PTPRD: variants seen among roughly 807,000 people sequenced by gnomAD.
PTPRD encodes the protein protein tyrosine phosphatase receptor type D.
PTPRD carries 34 observed loss-of-function variants against 214.5 expected under a neutral mutation model. The observed-to-expected ratio is 0.16, with a 90% CI of 0.12 to 0.21. The LOEUF is 0.21. Ranked by LOEUF, PTPRD falls within the 10% of genes least tolerant of loss-of-function variation. The pLI is 1.00. For missense variants in PTPRD, 2,545 were observed against 2,398.7 expected (o/e 1.06, Z -1.27); for synonymous variants, 1,128 against 845.7 (o/e 1.33, Z -5.79).
chr9:9,163,172 C>T (rs1450432957), intron 10 of PTPRD, among the ~76,000 whole-genome samples: 1 of 152,090 alleles, frequency 6.6e-6, no homozygotes, highest in Non-Finnish European at 1.5e-5. Context: ...TGTCCACTCC[C>T]AAAGCTTCAA....
At chr9:9,876,585 T>C (rs975470036) in intron 5 of PTPRD, among the ~76,000 whole-genome samples, 1 of 152,208 alleles carries the variant, frequency 6.6e-6, no homozygotes, top group African/African-American at 2.4e-5. Flanking sequence ...ATGAGATCAT[T>C]ACATTTCTTA....
chr9:10,128,142 C>G (rs2098833336), intron 3 of PTPRD, among the ~76,000 whole-genome samples: 2 of 152,092 alleles, frequency 1.3e-5, no homozygotes, highest in Admixed American at 6.6e-5. Context: ...TGTATCACTT[C>G]CCTTCCACAT....
At position 8,618,939 on chromosome 9, in the gene PTPRD, T is replaced by A. The variant is rs13295263; in HGVS notation, c.352+14378A>T. Among the ~76,000 whole-genome samples, 24 of 61,898 alleles carry A rather than the reference T, an allele frequency of 3.9e-4. No individual in the cohort carries two copies. The East Asian group carries it at 8.0e-3, about 21-fold the overall frequency. 40.6% of individuals were successfully genotyped at this position (61,898 alleles called of 152,430 possible). On this transcript the variant is annotated intron_variant, in intron 14 of 45. Transcript: ENST00000381196. ...GTTTTTTTTTTTTTTTTTTTTTTTT[T>A]ACCGGAAACAGGGTTTCACCATGTT...
chr9:9,323,334 A>C (rs770172427), intron 9 of PTPRD, among the ~76,000 whole-genome samples: 2 of 152,142 alleles, frequency 1.3e-5, no homozygotes, highest in Non-Finnish European at 2.9e-5. Flanking sequence ...AATCTTTTTT[A>C]CTTATCATCT....
chr9:8,440,233 T>G (rs971045489), intron 34 of PTPRD, among the ~76,000 whole-genome samples: 1 of 152,070 alleles, frequency 6.6e-6, no homozygotes, highest in African/African-American at 2.4e-5. Flanking sequence ...AGCAAAGAAC[T>G]TGAAGCACAG....
At chr9:9,102,299 C>T (rs953203290) in intron 10 of PTPRD, among the ~76,000 whole-genome samples, 1 of 152,176 alleles carries the variant, frequency 6.6e-6, no homozygotes, top group African/African-American at 2.4e-5. Context: ...TATGATGTGT[C>T]TATTCTCTTT....
chr9:8,577,459 T>A (rs569230506), intron 14 of PTPRD, among the ~76,000 whole-genome samples: 1 of 152,112 alleles, frequency 6.6e-6, no homozygotes, highest in Non-Finnish European at 1.5e-5. Flanking sequence ...TTCTCCATGT[T>A]GGTCAGGCTG....
At chr9:9,406,395 G>A (rs1481397184) in intron 8 of PTPRD, among the ~76,000 whole-genome samples, 1 of 151,876 alleles carries the variant, frequency 6.6e-6, no homozygotes, top group African/African-American at 2.4e-5. Flanking sequence ...AATTAAGAAA[G>A]TAAGAGATAG....
Position 8,688,580 on chromosome 9 carries a change from G to C in PTPRD, c.64+45200C>G, listed in dbSNP as rs1356142074. On this transcript the variant is annotated intron_variant, in intron 12 of 45. Coordinates refer to ENST00000381196, the MANE Select transcript of PTPRD (RefSeq NM_002839.4). The stretch of plus-strand genomic sequence containing the variant: ...ACTCTGTCTCAAAAAAAAAAAAAAA[G>C]AAAAAAATATATATAAGATGGTATC... 3.5e-5 allele frequency among the ~76,000 whole-genome samples: 5 copies of C among 144,068 alleles called. No homozygotes were observed. The East Asian group carries it at 8.0e-4, about 23-fold the overall frequency. 94.5% of individuals were successfully genotyped at this position (144,068 alleles called of 152,430 possible).
chr9:10,136,384 T>C (rs1252955030), intron 3 of PTPRD, among the ~76,000 whole-genome samples: 1 of 152,098 alleles, frequency 6.6e-6, no homozygotes, highest in Non-Finnish European at 1.5e-5. Flanking sequence ...GAATTGTTCC[T>C]AATAGATATT....
chr9:9,263,557 T>C (rs931503428), intron 9 of PTPRD, among the ~76,000 whole-genome samples: 3 of 151,722 alleles, frequency 2.0e-5, no homozygotes, highest in African/African-American at 7.2e-5. Flanking sequence ...ATATTCTTGG[T>C]ACTTAGTATG....
chr9:9,157,347 C>T (rs370273383), intron 10 of PTPRD, among the ~76,000 whole-genome samples: 1 of 151,758 alleles, frequency 6.6e-6, no homozygotes, highest in South Asian at 2.1e-4. Flanking sequence ...TAAGAGATAG[C>T]TTTTTGAAAA....
At chr9:9,610,814 C>A (rs2094473557) in intron 7 of PTPRD, among the ~76,000 whole-genome samples, 1 of 151,910 alleles carries the variant, frequency 6.6e-6, no homozygotes, top group African/African-American at 2.4e-5. Context: ...AAACAAAAAT[C>A]ATCTGTAATT....
At chr9:10,435,332 G>A (rs1035003084) in intron 2 of PTPRD, among the ~76,000 whole-genome samples, 7 of 151,838 alleles carry the variant, frequency 4.6e-5, no homozygotes, top group Admixed American at 1.3e-4. Flanking sequence ...CACTTTACAC[G>A]ACTCATACAG....
chr9:8,483,555 A>G (rs1404653461), intron 30 of PTPRD, among the ~76,000 whole-genome samples: 2 of 152,216 alleles, frequency 1.3e-5, no homozygotes, highest in African/African-American at 4.8e-5. Context: ...GATTGAGACC[A>G]TCCAGGCTAA....
chr9:8,428,600 T>G (rs1295916809), intron 35 of PTPRD, among the ~76,000 whole-genome samples: 3 of 152,154 alleles, frequency 2.0e-5, no homozygotes, highest in Admixed American at 2.0e-4. Flanking sequence ...CGTCCACCAC[T>G]TCCTTCCTTC....
chr9:10,130,450 T>G (rs937662587), intron 3 of PTPRD, among the ~76,000 whole-genome samples: 1 of 152,122 alleles, frequency 6.6e-6, no homozygotes, highest in Non-Finnish European at 1.5e-5. Context: ...TGATGCCATA[T>G]CTATAGTTAT....
chr9:10,273,459 A>C (rs565561255), intron 3 of PTPRD, among the ~76,000 whole-genome samples: 2 of 152,258 alleles, frequency 1.3e-5, no homozygotes, highest in East Asian at 1.9e-4. Flanking sequence ...GAGTTAGATA[A>C]AAATTTAAAG....
chr9:10,449,191 C>A (rs1336064125), intron 2 of PTPRD, among the ~76,000 whole-genome samples: 1 of 151,942 alleles, frequency 6.6e-6, no homozygotes, highest in Non-Finnish European at 1.5e-5. Context: ...GGGCGGGTGC[C>A]GCCACGCCTG....
Sources: gnomAD v4.1 joint callset for allele counts (sites outside exome capture counted in the v4.1 genomes callset) on GRCh38, gnomAD v4.1.1 for gene constraint, MANE v1.5 for transcripts, NCBI Gene and HGNC (gene_info 2026-07-23, HGNC 2026-07-21) for gene names.